The following SLC9D1 variants were observed in gnomAD, a reference collection of about 807,000 sequenced individuals.
SLC9D1 encodes the protein solute carrier family 9 member D1.
At chr13:113,503,803 C>T in the SLC9D1 span, 1 of 540,714 alleles carries the variant, frequency 1.8e-6, no homozygotes, top group South Asian at 2.3e-5. Flanking sequence ...TGGAATTTGC[C>T]TTCACATGGC....
chr13:113,550,033 T>C, the SLC9D1 span: 16 of 217,558 alleles, frequency 7.4e-5, no homozygotes, highest in African/African-American at 3.5e-4. Flanking sequence ...AAGCCTATGT[T>C]TTCTAAAATG....
At chr13:113,525,492 A>G in the SLC9D1 span, among the ~76,000 whole-genome samples, 2 of 152,254 alleles carry the variant, frequency 1.3e-5, no homozygotes, top group Admixed American at 1.3e-4. Flanking sequence ...TTATAAAGAG[A>G]AGTAGAACTG....
At chr13:113,542,667 AGTG>A in the SLC9D1 span, among the ~76,000 whole-genome samples, 3 of 152,198 alleles carry the variant, frequency 2.0e-5, no homozygotes, top group Non-Finnish European at 4.4e-5. Context: ...AGCCTGGAGT[AGTG>A]ATTTGAGAGG....
At chr13:113,495,985 GC>G in the SLC9D1 span, 1 of 1,613,072 alleles carries the variant, frequency 6.2e-7, no homozygotes, top group Non-Finnish European at 8.5e-7. Context: ...AAGGAGAGCA[GC>G]CGGCAGCGCC....
At chr13:113,513,619 G>GA in the SLC9D1 span, among the ~76,000 whole-genome samples, 18 of 151,682 alleles carry the variant, frequency 1.2e-4, no homozygotes, top group East Asian at 3.9e-4. Flanking sequence ...ATTGTAATTT[G>GA]AAAAAAAAGC....
the SLC9D1 span, chr13:113,495,539 A>G: frequency 7.0e-7 from 1 of 1,419,210 alleles, no homozygotes; most frequent in Admixed American, 2.3e-5. Flanking sequence ...TCAGTGGGGC[A>G]GAGACCCGTG....
the SLC9D1 span, among the ~76,000 whole-genome samples, chr13:113,537,224 G>A: frequency 6.6e-5 from 10 of 152,030 alleles, no homozygotes; most frequent in African/African-American, 2.2e-4. Flanking sequence ...CATAAAATTC[G>A]CCATTTTAAT....
the SLC9D1 span, among the ~76,000 whole-genome samples, chr13:113,522,436 C>G: frequency 2.6e-5 from 4 of 152,178 alleles, no homozygotes; most frequent in Non-Finnish European, 5.9e-5. Context: ...CGCCTCCCAG[C>G]TTCACGCCAT....
At chr13:113,548,465 C>G in the SLC9D1 span, 1 of 1,597,612 alleles carries the variant, frequency 6.3e-7, no homozygotes, top group Non-Finnish European at 8.5e-7. Context: ...GAGTGGCTTC[C>G]CCCCGCGGAG....
At chr13:113,497,115 C>A in the SLC9D1 span, among the ~76,000 whole-genome samples, 1 of 151,334 alleles carries the variant, frequency 6.6e-6, no homozygotes, top group Non-Finnish European at 1.5e-5. Flanking sequence ...GTGTGATAGA[C>A]CTGCAGCTGT....
the SLC9D1 span, chr13:113,495,357 A>G: frequency 4.0e-5 from 19 of 478,734 alleles, no homozygotes; most frequent in Non-Finnish European, 6.2e-5. Context: ...TCTCAGTGAA[A>G]TAAATAGTTT....
At chr13:113,496,666 C>T in the SLC9D1 span, among the ~76,000 whole-genome samples, 2 of 152,150 alleles carry the variant, frequency 1.3e-5, no homozygotes, top group African/African-American at 4.8e-5. Flanking sequence ...ATCACGTCAT[C>T]TTCATAGAAA....
At chr13:113,529,248 T>C in the SLC9D1 span, 1 of 152,246 alleles carries the variant, frequency 6.6e-6, no homozygotes, top group African/African-American at 2.4e-5. Context: ...TACAAAGAGT[T>C]GATGACTTGG....
the SLC9D1 span, chr13:113,539,551 T>G: frequency 6.3e-7 from 1 of 1,597,378 alleles, no homozygotes; most frequent in South Asian, 1.1e-5. The surrounding 1 kb of genome is among the most constrained non-coding windows in gnomAD (Gnocchi z 4.8). Context: ...GTTAAACGTA[T>G]GCAGAGTGGT....
At chr13:113,530,453 T>C in the SLC9D1 span, 1 of 152,290 alleles carries the variant, frequency 6.6e-6, no homozygotes, top group Middle Eastern at 3.4e-3. Context: ...TATATATATG[T>C]ATATATAACA....
At chr13:113,543,076 TACCTCTGTCTGTGACCCCCACCTCCTCC>T in the SLC9D1 span, among the ~76,000 whole-genome samples, 2 of 16,232 alleles carry the variant, frequency 1.2e-4, no homozygotes, top group African/African-American at 6.0e-4. Flanking sequence ...CCTCCCGCCC[TACCTCTGTCTGTGACCCCCACCTCCTCC>T]CCCTGCCCCC....
At chr13:113,546,424 C>G in the SLC9D1 span, among the ~76,000 whole-genome samples, 143 of 152,052 alleles carry the variant, frequency 9.4e-4, no homozygotes, top group Admixed American at 1.8e-3. The surrounding 1 kb of genome is among the most constrained non-coding windows in gnomAD (Gnocchi z 7.1). Flanking sequence ...CTCTGAGACC[C>G]AGACCCAGGA....
At chr13:113,495,962 TGTC>T in the SLC9D1 span, 22 of 1,613,716 alleles carry the variant, frequency 1.4e-5, 1 homozygote, top group South Asian at 2.0e-4. Flanking sequence ...ATTACAAAGA[TGTC>T]GTGAACATGA....
At chr13:113,495,702 G>C in the SLC9D1 span, 34 of 1,612,822 alleles carry the variant, frequency 2.1e-5, no homozygotes, top group African/African-American at 3.1e-4. Flanking sequence ...CGGGCGAGGG[G>C]TGGCTGCCAT....
Sources: allele counts gnomAD v4.1 joint callset (sites outside exome capture counted in the v4.1 genomes callset), GRCh38; gene constraint gnomAD v4.1.1; non-coding constraint Gnocchi (gnomAD v3.1); transcripts MANE v1.5; gene names NCBI Gene and HGNC (gene_info 2026-07-23, HGNC 2026-07-21).